COL5A2: variants seen among roughly 807,000 people sequenced by gnomAD.
COL5A2 encodes the protein collagen type V alpha 2 chain, also known as collagen alpha-2(V) chain.
COL5A2 carries 23 observed loss-of-function variants against 208.2 expected under a neutral mutation model. The observed-to-expected ratio is 0.11, with a 90% CI of 0.08 to 0.16. The LOEUF (loss-of-function observed/expected upper bound fraction) is 0.16, where lower values mean the gene tolerates loss of function less well. Ranked by LOEUF, COL5A2 falls within the 10% of genes least tolerant of loss-of-function variation. The probability of loss-of-function intolerance (pLI) is 1.00; values close to 1 mark genes in which losing one functional copy is unlikely to be tolerated. For synonymous variants in COL5A2, 625 were observed against 628.5 expected (o/e 0.99, Z 0.08); for missense variants, 1,590 against 1,956.4 (o/e 0.81, Z 3.53).
chr2:189,416,117 T>G, the COL5A2 span, among the ~76,000 whole-genome samples: 1 of 152,370 alleles, frequency 6.6e-6, no homozygotes, highest in South Asian at 2.1e-4. Flanking sequence ...TTGGTGGGAC[T>G]GTAAACTAGT....
At chr2:189,080,107 C>A in intron 13 of COL5A2, 76 bp from the exon 14 acceptor site, 1 of 1,138,340 alleles carries the variant, frequency 8.8e-7, no homozygotes, top group Non-Finnish European at 1.3e-6. Flanking sequence ...CAAAAATAAG[C>A]TTGCAGAAAT....
intron 1 of COL5A2, among the ~76,000 whole-genome samples, chr2:189,162,885 T>A (rs772907377): frequency 1.4e-4 from 21 of 152,200 alleles, no homozygotes; most frequent in Non-Finnish European, 2.6e-4. Context: ...GGAGTCCCAT[T>A]TTCCCAGAAG....
chr2:189,073,921 A>T (rs1225717263), intron 17 of COL5A2, among the ~76,000 whole-genome samples: 6 of 152,164 alleles, frequency 3.9e-5, no homozygotes, highest in Non-Finnish European at 8.8e-5. Flanking sequence ...TGTTACAATT[A>T]AAATCTACTT....
chr2:189,223,612 A>G (rs1689375514), intron 1 of COL5A2, among the ~76,000 whole-genome samples: 1 of 152,218 alleles, frequency 6.6e-6, no homozygotes, highest in African/African-American at 2.4e-5. Context: ...ATTTGTGGTT[A>G]TAGTCATACA....
intron 1 of COL5A2, among the ~76,000 whole-genome samples, chr2:189,157,116 CGA>C (rs1688262230): frequency 2.1e-5 from 1 of 46,886 alleles, no homozygotes; most frequent in Non-Finnish European, 7.4e-5. Context: ...ATAGATATAT[CGA>C]TATATCTATC....
intron 41 of COL5A2, among the ~76,000 whole-genome samples, chr2:189,051,906 A>C (rs998655636): frequency 6.6e-6 from 1 of 152,206 alleles, no homozygotes; most frequent in Admixed American, 6.5e-5. Context: ...ATTAGCACAT[A>C]ATACTGTAAG....
chr2:189,047,995 C>A (rs576013781), intron 45 of COL5A2, among the ~76,000 whole-genome samples: 36 of 152,242 alleles, frequency 2.4e-4, no homozygotes, highest in Non-Finnish European at 4.7e-4. Flanking sequence ...ATTTTATCTT[C>A]CTGCTCTGAA....
chr2:189,413,231 A>G, the COL5A2 span, among the ~76,000 whole-genome samples: 3 of 152,216 alleles, frequency 2.0e-5, no homozygotes, highest in African/African-American at 7.2e-5. Context: ...TTCAACATAC[A>G]AATTTTTTCC....
chr2:189,256,990 T>C, the COL5A2 span, among the ~76,000 whole-genome samples: 5 of 152,356 alleles, frequency 3.3e-5, no homozygotes, highest in Admixed American at 2.6e-4. Context: ...AACATTACTG[T>C]TGGAAACTTA....
At position 189,033,683 on chromosome 2, in the gene COL5A2, C is replaced by A; in HGVS notation, c.*387G>T. 1 of 274,084 alleles carries A rather than the reference C, an allele frequency of 3.6e-6. No individual in the cohort carries two copies. The highest frequency in any genetic ancestry group is 7.2e-6 in the Non-Finnish European group (1 of 139,370). The allele number at this position is 274,084 out of a possible 1,614,324, so 17.0% of individuals were successfully genotyped here. ...TAAACATGTGTTGTGGCTCTATATACCCCACTCTTTAAGCTACCTGCCAGG... is the reference window on the plus strand; with the variant it reads ...TAAACATGTGTTGTGGCTCTATATAACCCACTCTTTAAGCTACCTGCCAGG... On this transcript the variant is annotated 3_prime_UTR_variant, in exon 54 of 54. Transcript: ENST00000374866.
upstream of COL5A2, chr2:189,179,843 A>G: frequency 1.6e-6 from 1 of 642,504 alleles, no homozygotes; most frequent in Non-Finnish European, 2.7e-6. Context: ...CAGCTTGTTC[A>G]GGCTCATAAC....
intron 1 of COL5A2, among the ~76,000 whole-genome samples, chr2:189,115,583 A>C (rs1308944980): frequency 6.6e-6 from 1 of 152,162 alleles, no homozygotes; most frequent in East Asian, 1.9e-4. Context: ...AAGTTCTTTC[A>C]AGCAGAAATA....
the COL5A2 span, among the ~76,000 whole-genome samples, chr2:189,241,041 C>T: frequency 5.3e-5 from 8 of 152,098 alleles, no homozygotes; most frequent in African/African-American, 1.7e-4. Context: ...CAGCTTGCCA[C>T]GCAAAGTTAA....
At chr2:189,192,174 T>A (rs1688939945) in intron 1 of COL5A2, among the ~76,000 whole-genome samples, 3 of 152,128 alleles carry the variant, frequency 2.0e-5, no homozygotes, top group South Asian at 4.1e-4. Context: ...GTTAACCAGA[T>A]CTGTAAAGTA....
chr2:189,068,926 G>A (rs775170506), intron 18 of COL5A2, 42 bp from the exon 19 acceptor site: 15 of 1,331,398 alleles, frequency 1.1e-5, no homozygotes, highest in African/African-American at 5.8e-5. Context: ...AGAAAAATAC[G>A]AGAGTGGCAT....
At chr2:189,327,720 C>A in the COL5A2 span, among the ~76,000 whole-genome samples, 1 of 152,022 alleles carries the variant, frequency 6.6e-6, no homozygotes, top group Admixed American at 6.6e-5. Flanking sequence ...ATACAAATAA[C>A]CATATAACTA....
the COL5A2 span, among the ~76,000 whole-genome samples, chr2:189,335,968 A>T: frequency 6.6e-6 from 1 of 152,184 alleles, no homozygotes; most frequent in African/African-American, 2.4e-5. Context: ...AATAGACAAG[A>T]CACAGACTGG....
intron 6 of COL5A2, among the ~76,000 whole-genome samples, chr2:189,096,481 G>C (rs1039723854): frequency 2.6e-5 from 4 of 151,884 alleles, no homozygotes; most frequent in Non-Finnish European, 4.4e-5. Context: ...AATTAGCTGG[G>C]CATGGTGGCG....
chr2:189,185,008 T>C (rs1037437163), intron 1 of COL5A2, among the ~76,000 whole-genome samples: 1 of 152,114 alleles, frequency 6.6e-6, no homozygotes, highest in Non-Finnish European at 1.5e-5. Context: ...TACAAACAAA[T>C]GGCATACTCT....
Sources: gnomAD v4.1 joint callset for allele counts (sites outside exome capture counted in the v4.1 genomes callset) on GRCh38, gnomAD v4.1.1 for gene constraint, MANE v1.5 for transcripts, NCBI Gene and HGNC (gene_info 2026-07-23, HGNC 2026-07-21) for gene names.